The following SPAG16 variants were observed in gnomAD, a reference collection of about 807,000 sequenced individuals.
The protein encoded by SPAG16 is sperm associated antigen 16.
SPAG16 carries 86 observed loss-of-function variants against 80.4 expected under a neutral mutation model. That is an observed-to-expected ratio of 1.07 (90% CI 0.90 to 1.28). The LOEUF is 1.28. SPAG16 is among the 50% of genes most tolerant of loss of function. SPAG16 has a pLI of 0.00. For missense variants in SPAG16, 870 were observed against 765.3 expected, an observed-to-expected ratio of 1.14 and a Z score of -1.61; for synonymous variants, 294 against 265.9, an observed-to-expected ratio of 1.11 and a Z score of -1.03.
At chr2:214,377,581 C>G (rs1354649939) in intron 15 of SPAG16, among the ~76,000 whole-genome samples, 1 of 152,118 alleles carries the variant, frequency 6.6e-6, no homozygotes, top group Non-Finnish European at 1.5e-5. Flanking sequence ...ATATAACATA[C>G]AAAATATGTG....
intron 12 of SPAG16, among the ~76,000 whole-genome samples, chr2:213,941,948 C>G (rs1398738491): frequency 1.3e-5 from 2 of 152,144 alleles, no homozygotes; most frequent in Admixed American, 6.6e-5. Context: ...TCTGTGAGCA[C>G]CATTTCTTAT....
intron 11 of SPAG16, among the ~76,000 whole-genome samples, chr2:213,915,840 G>C (rs1182612360): frequency 1.3e-5 from 2 of 152,132 alleles, no homozygotes; most frequent in Non-Finnish European, 2.9e-5. Context: ...GTATCTCATA[G>C]TGGTTTAGAT....
intron 9 of SPAG16, among the ~76,000 whole-genome samples, chr2:213,449,975 A>G (rs2071588203): frequency 6.6e-6 from 1 of 152,140 alleles, no homozygotes. Context: ...ATTCTCTTTT[A>G]TAGCCCTTTC....
chr2:213,988,690 AAAC>A (rs1026800608), intron 12 of SPAG16, among the ~76,000 whole-genome samples: 1 of 152,022 alleles, frequency 6.6e-6, no homozygotes, highest in African/African-American at 2.4e-5. Context: ...TTAAAAAAAA[AAAC>A]ATTCAAAATA....
intron 1 of SPAG16, among the ~76,000 whole-genome samples, chr2:213,287,144 T>C (rs1161498757): frequency 2.0e-5 from 3 of 152,224 alleles, no homozygotes; most frequent in Admixed American, 2.0e-4. Context: ...ATGAATCCTC[T>C]CTAGAACCCA....
intron 15 of SPAG16, among the ~76,000 whole-genome samples, chr2:214,330,112 G>A (rs952263677): frequency 2.6e-4 from 37 of 139,908 alleles, no homozygotes; most frequent in African/African-American, 3.6e-4. Context: ...ACCAAAAATA[G>A]AAAAAAAAAA....
intron 4 of SPAG16, among the ~76,000 whole-genome samples, chr2:213,311,851 C>T (rs1248146768): frequency 6.6e-6 from 1 of 151,368 alleles, no homozygotes; most frequent in African/African-American, 2.4e-5. Flanking sequence ...GCTATGAATT[C>T]ACTTAATCTT....
intron 5 of SPAG16, among the ~76,000 whole-genome samples, chr2:213,333,126 C>G (rs1475890521): frequency 6.6e-6 from 1 of 151,650 alleles, no homozygotes; most frequent in Non-Finnish European, 1.5e-5. Context: ...AAGTATCCAC[C>G]AAAAAAATGA....
chr2:213,330,261 A>T (rs1003648736), intron 5 of SPAG16, among the ~76,000 whole-genome samples: 3 of 152,196 alleles, frequency 2.0e-5, no homozygotes, highest in African/African-American at 7.2e-5. Flanking sequence ...TGCACTGTGC[A>T]CCTGGAAAAG....
chr2:214,004,940 G>A (rs2046961868), intron 12 of SPAG16, among the ~76,000 whole-genome samples: 1 of 152,088 alleles, frequency 6.6e-6, no homozygotes, highest in African/African-American at 2.4e-5. Flanking sequence ...CACAAATAAT[G>A]AGGGTCGACC....
intron 10 of SPAG16, among the ~76,000 whole-genome samples, chr2:213,802,873 C>G (rs565585385): frequency 6.6e-6 from 1 of 151,190 alleles, no homozygotes; most frequent in South Asian, 2.1e-4. Context: ...ACTAAAATTG[C>G]AAAATAGAAG....
chr2:214,325,334 C>T (rs1443231609), intron 15 of SPAG16, among the ~76,000 whole-genome samples: 5 of 152,208 alleles, frequency 3.3e-5, no homozygotes, highest in Non-Finnish European at 1.5e-5. Context: ...GGATGCTCAT[C>T]TGTGGACCAA....
intron 11 of SPAG16, among the ~76,000 whole-genome samples, chr2:213,872,840 TC>T (rs2076004652): frequency 6.6e-6 from 1 of 152,114 alleles, no homozygotes; most frequent in African/African-American, 2.4e-5. Context: ...GTTGAAATGA[TC>T]ATTTGGTTTT....
chr2:214,033,807 G>A (rs1575903066), intron 13 of SPAG16, among the ~76,000 whole-genome samples: 1 of 151,942 alleles, frequency 6.6e-6, no homozygotes, highest in African/African-American at 2.4e-5. Context: ...AAATATACCA[G>A]GGTATAATAT....
rs192798568 is a variant in SPAG16, at chr2:213,851,073, A to G, written c.1071-11412A>G. The stretch of plus-strand genomic sequence containing the variant: ...AAGTGCTTATATTCATAATTAAACT[A>G]AAATTTTAGTTCAGAAGTATAAAAT... On this transcript the variant is annotated intron_variant, in intron 10 of 15. Transcript: ENST00000331683. 2.7e-3 allele frequency among the ~76,000 whole-genome samples: 409 copies of G among 152,324 alleles called. 3 individuals are homozygous for G. Among genetic ancestry groups the G allele is most frequent in the Non-Finnish European group, 4.6e-3 (310 of 68,032 alleles).
intron 13 of SPAG16, among the ~76,000 whole-genome samples, chr2:214,074,170 C>G (rs966537078): frequency 6.6e-6 from 1 of 152,104 alleles, no homozygotes; most frequent in Admixed American, 6.5e-5. Context: ...GGGCCCTCAC[C>G]AGAACCCAAC....
chr2:214,191,618 A>C (rs1430453500), intron 15 of SPAG16, among the ~76,000 whole-genome samples: 1 of 149,620 alleles, frequency 6.7e-6, no homozygotes, highest in African/African-American at 2.5e-5. Context: ...GGAGGCTGAG[A>C]GAGGAGAATT....
At chr2:214,170,172 A>G (rs1376020071) in intron 15 of SPAG16, among the ~76,000 whole-genome samples, 1 of 151,390 alleles carries the variant, frequency 6.6e-6, no homozygotes, top group Non-Finnish European at 1.5e-5. Context: ...TGGGAGAGGG[A>G]TACACATACA....
intron 5 of SPAG16, among the ~76,000 whole-genome samples, chr2:213,333,308 T>C (rs143664362): frequency 6.6e-6 from 1 of 151,976 alleles, no homozygotes; most frequent in Non-Finnish European, 1.5e-5. Flanking sequence ...AAATGAAATA[T>C]CTCTACAATG....
Sources: gnomAD v4.1 joint callset for allele counts (sites outside exome capture counted in the v4.1 genomes callset) on GRCh38, gnomAD v4.1.1 for gene constraint, MANE v1.5 for transcripts, NCBI Gene and HGNC (gene_info 2026-07-23, HGNC 2026-07-21) for gene names.